Variants in FRAS1 observed in about 807,000 individuals in gnomAD.
FRAS1 encodes extracellular matrix organizing protein FRAS1.
In FRAS1, 290 loss-of-function variants were observed where a neutral mutation model predicts 435.2. That is an observed-to-expected ratio of 0.67 (90% CI 0.61 to 0.73). The LOEUF (loss-of-function observed/expected upper bound fraction) is 0.73. Ranked by LOEUF, FRAS1 falls within the 30% of genes least tolerant of loss-of-function variation. FRAS1 has a pLI of 0.00. For synonymous variants in FRAS1, 1,800 were observed against 1,851.0 expected (o/e 0.97, Z 0.71); for missense variants, 4,860 against 5,001.5 (o/e 0.97, Z 0.85).
chr4:78,317,274 G>T (rs904506875), intron 16 of FRAS1, 94 bp from the exon 17 acceptor site: 2 of 1,412,146 alleles, frequency 1.4e-6, no homozygotes, highest in Non-Finnish European at 2.0e-6. Flanking sequence ...ATCCACAGGG[G>T]ACTAAGAGTC....
chr4:78,337,893 C>A, intron 20 of FRAS1, 76 bp downstream of exon 20: 1 of 1,436,958 alleles, frequency 7.0e-7, no homozygotes, highest in Non-Finnish European at 9.8e-7. Flanking sequence ...CTTAAGGGGG[C>A]TCTTTGTCCT....
intron 20 of FRAS1, among the ~76,000 whole-genome samples, chr4:78,346,925 C>G (rs1447854016): frequency 6.6e-6 from 1 of 151,862 alleles, no homozygotes; most frequent in East Asian, 1.9e-4. Context: ...GCTCCTCTTC[C>G]TCTCCCATCT....
chr4:78,452,341 T>C lies in FRAS1; in HGVS notation c.6750T>C (p.His2250=), dbSNP rs1280393324. ...TRQPQLGHLE[H]AASPGIQISS... is the part of the protein sequence containing the mutation. ...AGCCCCAGCTGGGCCACTTGGAACA[T>C]GCAGCATCACCAGGTAAGTCTATCA... The change falls in exon 47 of 74, where the codon CAT becomes CAC. Residue 2250 remains histidine, a synonymous_variant. Transcript: ENST00000512123. 2 of 1,603,708 alleles carry C rather than the reference T, an allele frequency of 1.2e-6. No individual in the cohort carries two copies. The highest frequency in any genetic ancestry group is 1.7e-6 in the Non-Finnish European group (2 of 1,177,322).
chr4:78,266,899 T>C lies in FRAS1; in HGVS notation c.753T>C (p.Cys251=). Residue 251 remains cysteine, a synonymous_variant, in exon 8 of 74, where the codon TGT becomes TGC. Transcript: ENST00000512123. ...TCICDRGEVR[C]HKQACLPLRC... is the part of the protein sequence containing the mutation. ...TATGTGACCGGGGTGAGGTCAGGTG[T>C]CACAAGCAGGCCTGCCTGCCCCTGA... The C allele has an allele frequency of 1.2e-6, 2 of 1,608,222 alleles. No individual in the cohort carries two copies. Among genetic ancestry groups the C allele is most frequent in the Middle Eastern group, 1.7e-4 (1 of 6,056 alleles).
rs1420290878 is a variant in FRAS1, at chr4:78,438,512, G to A, written c.5218-58G>A. 12 of 1,572,616 alleles carry A rather than the reference G, an allele frequency of 7.6e-6. No individual in the cohort carries two copies. The Middle Eastern group carries it at 8.3e-4, about 109-fold the overall frequency. On this transcript the variant is annotated intron_variant, in intron 38 of 73. Coordinates refer to ENST00000512123, the MANE Select transcript of FRAS1 (RefSeq NM_025074.7). Reference sequence around the variant, plus strand: ...AAGCACCCATAGATCTTTAGCTACTGGAAGTGTTTATTCCTGCAAATGTGC... The same window carrying A: ...AAGCACCCATAGATCTTTAGCTACTAGAAGTGTTTATTCCTGCAAATGTGC...
At chr4:78,493,595 A>G (rs751807183) in intron 59 of FRAS1, among the ~76,000 whole-genome samples, 6 of 152,100 alleles carry the variant, frequency 3.9e-5, no homozygotes, top group Non-Finnish European at 5.9e-5. Flanking sequence ...CATAAGTGGG[A>G]GTTGAACAAT....
chr4:78,510,755 C>T (rs985676545), intron 63 of FRAS1, among the ~76,000 whole-genome samples: 1 of 152,178 alleles, frequency 6.6e-6, no homozygotes, highest in Non-Finnish European at 1.5e-5. Context: ...TTCTCAGCTT[C>T]AAGCCTGCAT....
At chr4:78,091,418 C>T (rs905223773) in intron 2 of FRAS1, among the ~76,000 whole-genome samples, 1 of 152,052 alleles carries the variant, frequency 6.6e-6, no homozygotes, top group Non-Finnish European at 1.5e-5. Context: ...TACTCCTTTT[C>T]TTAAAACTCT....
intron 2 of FRAS1, among the ~76,000 whole-genome samples, chr4:78,086,938 C>T (rs1031848218): frequency 2.6e-5 from 4 of 152,118 alleles, no homozygotes; most frequent in Non-Finnish European, 5.9e-5. Context: ...CCAGCATCAT[C>T]CTGATACCAA....
At chr4:78,061,906 C>T (rs1332408158) in intron 1 of FRAS1, among the ~76,000 whole-genome samples, 1 of 152,130 alleles carries the variant, frequency 6.6e-6, no homozygotes, top group Non-Finnish European at 1.5e-5. Flanking sequence ...GTGGGTTTCT[C>T]AGTATGGAAA....
intron 47 of FRAS1, among the ~76,000 whole-genome samples, chr4:78,456,237 A>G (rs1719198343): frequency 6.7e-6 from 1 of 148,150 alleles, no homozygotes; most frequent in African/African-American, 2.5e-5. Flanking sequence ...TCCGCCTCCC[A>G]GATCAAGTGA....
chr4:78,521,735 A>G (rs985325976), intron 68 of FRAS1, 105 bp downstream of exon 68: 4 of 683,742 alleles, frequency 5.9e-6, no homozygotes, highest in Non-Finnish European at 7.4e-6. Flanking sequence ...ACAATGATTA[A>G]CATTTTGCTA....
At chr4:78,159,181 T>C (rs1721027000) in intron 2 of FRAS1, among the ~76,000 whole-genome samples, 1 of 152,168 alleles carries the variant, frequency 6.6e-6, no homozygotes, top group South Asian at 2.1e-4. Flanking sequence ...AATGGATGAA[T>C]TCTTCAGAGA....
chr4:78,060,238 A>G (rs2109839191), intron 1 of FRAS1, among the ~76,000 whole-genome samples: 1 of 152,330 alleles, frequency 6.6e-6, no homozygotes, highest in South Asian at 2.1e-4. Flanking sequence ...TGGTCCTCTC[A>G]AGGTTTTCTT....
chr4:78,448,176 C>T lies in FRAS1; in HGVS notation c.6134C>T (p.Pro2045Leu). 1 of 1,613,664 alleles carries T rather than the reference C, an allele frequency of 6.2e-7. No individual in the cohort carries two copies. Among genetic ancestry groups the T allele is most frequent in the Non-Finnish European group, 8.5e-7 (1 of 1,179,826 alleles). Residue 2045 changes from proline (P) to leucine (L), a missense_variant, in exon 44 of 74, where the codon CCT becomes CTT. Pro to Leu is a moderately conservative substitution (Grantham distance 98, BLOSUM62 -3). Transcript: ENST00000512123. The stretch of plus-strand genomic sequence containing the variant: ...CTGGTTGGGTATGTGCCTAGTGTCC[C>T]TGGCATGGTCGTGGATGAGTTCCAG... The part of the protein sequence containing the change: ...AGLVGYVPSV[P>L]GMVVDEFQFS...
chr4:78,478,949 G>T (rs761302394), intron 55 of FRAS1, among the ~76,000 whole-genome samples: 9 of 152,146 alleles, frequency 5.9e-5, no homozygotes, highest in Non-Finnish European at 1.2e-4. Context: ...TTTTAAATAA[G>T]CCTGTTTCTT....
At chr4:78,518,450 A>ATATATATATATATTTATT (rs1487744216) in intron 66 of FRAS1, among the ~76,000 whole-genome samples, 30 of 69,330 alleles carry the variant, frequency 4.3e-4, no homozygotes, top group African/African-American at 9.8e-4. Context: ...ATATATATAT[A>ATATATATATATATTTATT]TATTTATTTA....
chr4:78,524,481 G>A (rs933756016), intron 69 of FRAS1, among the ~76,000 whole-genome samples: 2 of 152,156 alleles, frequency 1.3e-5, no homozygotes, highest in African/African-American at 4.8e-5. Flanking sequence ...TGTGATATGG[G>A]AAATGCTTAG....
At chr4:78,234,104 A>T (rs907909043) in intron 2 of FRAS1, among the ~76,000 whole-genome samples, 1 of 152,246 alleles carries the variant, frequency 6.6e-6, no homozygotes, top group Non-Finnish European at 1.5e-5. Flanking sequence ...TTTGTGAAGC[A>T]GTCATTTTTA....
Sources: gnomAD v4.1 joint callset for allele counts (sites outside exome capture counted in the v4.1 genomes callset) on GRCh38, gnomAD v4.1.1 for gene constraint, MANE v1.5 for transcripts, NCBI Gene and HGNC (gene_info 2026-07-23, HGNC 2026-07-21) for gene names.